Variants in AMPH observed in about 807,000 individuals in gnomAD.
AMPH encodes amphiphysin (Stiff-Mann syndrome with breast cancer 128kD autoantigen).
Under a neutral mutation model 99.1 loss-of-function variants are expected in AMPH, and 49 were observed. The ratio of observed to expected loss-of-function variants is 0.49; its 90% confidence interval spans 0.39 to 0.63. The LOEUF (loss-of-function observed/expected upper bound fraction) is 0.63. Ranked by LOEUF, AMPH falls within the 20% of genes least tolerant of loss-of-function variation. The pLI, the probability that AMPH is intolerant of heterozygous loss-of-function variation, is 0.00. For missense variants in AMPH, 759 were observed against 863.4 expected, an observed-to-expected ratio of 0.88 and a Z score of 1.52; for synonymous variants, 314 against 317.3, an observed-to-expected ratio of 0.99 and a Z score of 0.11.
At chr7:38,469,437 C>T (rs3807420) in intron 7 of AMPH, among the ~76,000 whole-genome samples, 37,728 of 152,076 alleles carry the variant, frequency 0.25, 5,711 homozygotes, top group African/African-American at 0.39. Flanking sequence ...GCACTCTCCC[C>T]TTCGCAATGC....
At chr7:38,428,528 T>C in intron 14 of AMPH, 1 of 456,742 alleles carries the variant, frequency 2.2e-6, no homozygotes, top group South Asian at 1.5e-5. Context: ...CACACTGAAT[T>C]TCTTCAGCAT....
In AMPH at chr7:38,631,279, T is replaced by A; in HGVS notation, c.69+4A>T. Reference sequence around the variant, plus strand: ...GGCCCCAGCCCCGGCCGCCCGCCGCTGACCTTTTCCTGCGCGCGGTTGAGT... The same window carrying A: ...GGCCCCAGCCCCGGCCGCCCGCCGCAGACCTTTTCCTGCGCGCGGTTGAGT... On this transcript the variant is annotated splice_donor_region_variant and intron_variant, in intron 1 of 20. Coordinates refer to ENST00000356264, the MANE Select transcript of AMPH (RefSeq NM_001635.4). 1 of 1,526,142 alleles carries A rather than the reference T, an allele frequency of 6.6e-7. No individual in the cohort carries two copies. Among genetic ancestry groups the A allele is most frequent in the East Asian group, 2.7e-5 (1 of 37,030 alleles). The allele number at this position is 1,526,142 out of a possible 1,614,324, so 94.5% of individuals were successfully genotyped here.
At chr7:38,585,429 G>A (rs533919130) in intron 1 of AMPH, among the ~76,000 whole-genome samples, 29 of 152,220 alleles carry the variant, frequency 1.9e-4, no homozygotes, top group African/African-American at 6.7e-4. Context: ...TGCTAACTAG[G>A]GCACTCACAG....
chr7:38,454,438 C>T (rs1217194886), intron 11 of AMPH, among the ~76,000 whole-genome samples: 1 of 151,796 alleles, frequency 6.6e-6, no homozygotes, highest in Non-Finnish European at 1.5e-5. Context: ...ATAGTATCAC[C>T]ATGACTTCTG....
At chr7:38,510,620 C>G (rs1215387291) in intron 2 of AMPH, among the ~76,000 whole-genome samples, 1 of 152,106 alleles carries the variant, frequency 6.6e-6, no homozygotes, top group Non-Finnish European at 1.5e-5. Context: ...AGAACTTGCC[C>G]AAAGTCACAC....
chr7:38,607,534 C>T (rs906862729), intron 1 of AMPH, among the ~76,000 whole-genome samples: 3 of 152,102 alleles, frequency 2.0e-5, no homozygotes, highest in Non-Finnish European at 4.4e-5. Context: ...GTGACAGACC[C>T]CTTCAGGGAC....
At chr7:38,565,392 C>T (rs1185662891) in intron 1 of AMPH, among the ~76,000 whole-genome samples, 1 of 152,152 alleles carries the variant, frequency 6.6e-6, no homozygotes, top group Non-Finnish European at 1.5e-5. Flanking sequence ...GACTGGAAGT[C>T]TGAGATCGAG....
chr7:38,465,626 A>G (rs1330760617), intron 8 of AMPH, 77 bp from the exon 9 acceptor site: 4 of 1,309,152 alleles, frequency 3.1e-6, no homozygotes, highest in South Asian at 2.6e-5. Context: ...CCCAAGAAAG[A>G]AATTGCTTAT....
At chr7:38,434,043 A>T (rs984040000) in intron 12 of AMPH, among the ~76,000 whole-genome samples, 7 of 152,142 alleles carry the variant, frequency 4.6e-5, no homozygotes, top group African/African-American at 1.7e-4. Context: ...TCATTCAGTC[A>T]AGACTTTTGT....
rs540640481 is a variant in AMPH, at chr7:38,384,016, C to G, written c.*802G>C. ...CGGCTGGACAGCTAGATAAATCAGGCCCTGCCTTCTCTGAGGGTGCCTCAG... is the reference window on the plus strand; with the variant it reads ...CGGCTGGACAGCTAGATAAATCAGGGCCTGCCTTCTCTGAGGGTGCCTCAG... On this transcript the variant is annotated 3_prime_UTR_variant, in exon 21 of 21. Coordinates refer to ENST00000356264, the MANE Select transcript of AMPH (RefSeq NM_001635.4). 2 of 152,674 alleles carry G rather than the reference C, an allele frequency of 1.3e-5. No individual in the cohort carries two copies. Among genetic ancestry groups the G allele is most frequent in the East Asian group, 3.9e-4 (2 of 5,188 alleles). 9.5% of individuals were successfully genotyped at this position (152,674 alleles called of 1,614,324 possible).
chr7:38,441,260 A>C (rs1786493571), intron 11 of AMPH, among the ~76,000 whole-genome samples: 1 of 152,136 alleles, frequency 6.6e-6, no homozygotes, highest in Non-Finnish European at 1.5e-5. Context: ...AAAATAAAAA[A>C]GCACACACAC....
chr7:38,418,930 C>T lies in AMPH; in HGVS notation c.1273-980G>A, dbSNP rs116494451. Among the ~76,000 whole-genome samples the T allele has an allele frequency of 5.9e-3, 890 of 152,052 alleles. 20 individuals are homozygous for T. Among genetic ancestry groups the T allele is most frequent in the Non-Finnish European group, 4.6e-3 (313 of 67,992 alleles). On this transcript the variant is annotated intron_variant, in intron 16 of 20. Coordinates refer to ENST00000356264, the MANE Select transcript of AMPH (RefSeq NM_001635.4). Reference sequence around the variant, plus strand: ...CAGCAAGCCATTAAAAGCACCACAGCCAATGCATGTTACTACAAATACTGA... The same window carrying T: ...CAGCAAGCCATTAAAAGCACCACAGTCAATGCATGTTACTACAAATACTGA...
intron 5 of AMPH, among the ~76,000 whole-genome samples, chr7:38,488,137 C>G (rs1261806166): frequency 6.6e-6 from 1 of 152,110 alleles, no homozygotes; most frequent in Non-Finnish European, 1.5e-5. Context: ...GGATCTAGAA[C>G]CAGAAATACC....
rs557477968 is a variant in AMPH, at chr7:38,562,733, A to G, written c.70-27722T>C. On this transcript the variant is annotated intron_variant, in intron 1 of 20. Transcript: ENST00000356264. ...AATGTAAGAGAAAGAAAAAAAAACC[A>G]AAAGCATCTTTTATTTGTGATGTGC... Among the ~76,000 whole-genome samples, 6 of 152,298 alleles carry G rather than the reference A, an allele frequency of 3.9e-5. No homozygotes were observed. In the East Asian group the frequency reaches 1.2e-3, roughly 29 times the overall value.
intron 2 of AMPH, among the ~76,000 whole-genome samples, chr7:38,524,100 A>G (rs1479856311): frequency 6.6e-6 from 1 of 152,202 alleles, no homozygotes; most frequent in Non-Finnish European, 1.5e-5. Flanking sequence ...GTGTTCTGAC[A>G]GCATACACTG....
At chr7:38,419,153 G>A (rs1785497222) in intron 16 of AMPH, among the ~76,000 whole-genome samples, 1 of 152,090 alleles carries the variant, frequency 6.6e-6, no homozygotes, top group South Asian at 2.1e-4. Context: ...GGAGAAATCA[G>A]TAACTTCTAT....
chr7:38,524,113 C>T (rs1252209737), intron 2 of AMPH, among the ~76,000 whole-genome samples: 1 of 152,114 alleles, frequency 6.6e-6, no homozygotes, highest in Non-Finnish European at 1.5e-5. Flanking sequence ...ATACACTGGG[C>T]ATCACTTTCT....
chr7:38,390,957 AAGACAGAGAGAGAGAGAG>A (rs1784469403), intron 19 of AMPH, among the ~76,000 whole-genome samples: 1 of 108,644 alleles, frequency 9.2e-6, no homozygotes, highest in Non-Finnish European at 1.9e-5. Context: ...GAGAGAGACA[AAGACAGAGAGAGAGAGAG>A]AGAGAGAGAG....
chr7:38,441,853 T>TATATCTATCATATATATC (rs60306180), intron 11 of AMPH, among the ~76,000 whole-genome samples: 130 of 91,028 alleles, frequency 1.4e-3, no homozygotes, highest in Non-Finnish European at 2.2e-3. Context: ...ATATATATCA[T>TATATCTATCATATATATC]ATATATCATA....
Sources: allele counts gnomAD v4.1 joint callset (sites outside exome capture counted in the v4.1 genomes callset), GRCh38; gene constraint gnomAD v4.1.1; transcripts MANE v1.5; gene names NCBI Gene and HGNC (gene_info 2026-07-23, HGNC 2026-07-21).